RAPGEF5: variants seen among roughly 807,000 people sequenced by gnomAD.
RAPGEF5 encodes Rap guanine nucleotide exchange factor 5, also known as M-Ras-regulated GEF.
A neutral mutation model predicts 125.2 loss-of-function variants in RAPGEF5; 65 were observed. That is an observed-to-expected ratio of 0.52 (90% CI 0.43 to 0.64). RAPGEF5 has a LOEUF of 0.64. Among genes scored for constraint, RAPGEF5 ranks in the 30% least tolerant of loss-of-function variants. The probability of loss-of-function intolerance (pLI) is 0.00; values close to 1 mark genes in which losing one functional copy is unlikely to be tolerated. For missense variants in RAPGEF5, 958 were observed against 1,048.1 expected (o/e 0.91, Z 1.19); for synonymous variants, 391 against 385.9 (o/e 1.01, Z -0.16).
chr7:22,147,337 T>C (rs6461639), intron 18 of RAPGEF5, among the ~76,000 whole-genome samples: 97,833 of 151,994 alleles, frequency 0.64, 31,518 homozygotes, highest in East Asian at 0.75. Flanking sequence ...ATAATGAAAG[T>C]GAAAGCCCCG....
intron 1 of RAPGEF5, among the ~76,000 whole-genome samples, chr7:22,324,635 C>T (rs1212319681): frequency 6.6e-6 from 1 of 152,088 alleles, no homozygotes; most frequent in African/African-American, 2.4e-5. Flanking sequence ...CTTCTTCCTC[C>T]CCACAAATGT....
intron 1 of RAPGEF5, among the ~76,000 whole-genome samples, chr7:22,341,745 T>C (rs968550705): frequency 1.3e-5 from 2 of 152,234 alleles, no homozygotes; most frequent in African/African-American, 4.8e-5. Flanking sequence ...TTTGACTCCA[T>C]GTCTCAAATC....
At chr7:22,229,213 G>A (rs369011679) in intron 8 of RAPGEF5, among the ~76,000 whole-genome samples, 46 of 152,126 alleles carry the variant, frequency 3.0e-4, no homozygotes, top group Non-Finnish European at 6.0e-4. Context: ...AAGCAGAAAA[G>A]GTATTTTTAG....
At chr7:22,208,855 A>G (rs1785450858) in intron 9 of RAPGEF5, among the ~76,000 whole-genome samples, 1 of 152,242 alleles carries the variant, frequency 6.6e-6, no homozygotes, top group Admixed American at 6.5e-5. Context: ...CTAGCCAGAT[A>G]TGGAACGTAA....
intron 9 of RAPGEF5, among the ~76,000 whole-genome samples, chr7:22,219,153 C>T (rs924602259): frequency 1.3e-4 from 20 of 152,094 alleles, no homozygotes; most frequent in Non-Finnish European, 2.6e-4. Context: ...AGAGTGAAGT[C>T]TCATAACCAA....
intron 11 of RAPGEF5, among the ~76,000 whole-genome samples, chr7:22,172,887 A>G (rs545181117): frequency 6.6e-6 from 1 of 152,354 alleles, no homozygotes; most frequent in African/African-American, 2.4e-5. Flanking sequence ...CTCAGCTGTT[A>G]AAGTGAATTA....
chr7:22,184,400 G>A (rs1784767124), intron 11 of RAPGEF5, among the ~76,000 whole-genome samples: 1 of 152,154 alleles, frequency 6.6e-6, no homozygotes, highest in Non-Finnish European at 1.5e-5. Flanking sequence ...TGTAACATTT[G>A]CATAACCTTT....
intron 11 of RAPGEF5, among the ~76,000 whole-genome samples, chr7:22,184,251 A>C (rs1204572468): frequency 6.6e-6 from 1 of 152,256 alleles, no homozygotes; most frequent in Non-Finnish European, 1.5e-5. Context: ...AGAATAAACA[A>C]GGGTGGAGGA....
At chr7:22,332,216 CG>C (rs1282712448) in intron 1 of RAPGEF5, among the ~76,000 whole-genome samples, 1 of 152,122 alleles carries the variant, frequency 6.6e-6, no homozygotes, top group Non-Finnish European at 1.5e-5. Context: ...TAAAGCCTCC[CG>C]GTTGAAGGTT....
At chr7:22,199,345 G>A (rs1016014175) in intron 9 of RAPGEF5, among the ~76,000 whole-genome samples, 1 of 152,046 alleles carries the variant, frequency 6.6e-6, no homozygotes, top group Non-Finnish European at 1.5e-5. Context: ...TTTAGAGGAA[G>A]GCTGTATTTG....
intron 1 of RAPGEF5, among the ~76,000 whole-genome samples, chr7:22,345,149 T>C (rs1202650002): frequency 1.3e-5 from 2 of 152,232 alleles, no homozygotes; most frequent in Non-Finnish European, 2.9e-5. Flanking sequence ...AGTTCCGCTT[T>C]AGCCCCACCC....
At chr7:22,147,067 G>A in intron 18 of RAPGEF5, 48 bp from the exon 19 acceptor site, 1 of 1,598,974 alleles carries the variant, frequency 6.3e-7, no homozygotes. Context: ...CAAATGTTTT[G>A]CACTGCATTG....
At chr7:22,187,403 G>T (rs565014233) in intron 11 of RAPGEF5, among the ~76,000 whole-genome samples, 1 of 152,126 alleles carries the variant, frequency 6.6e-6, no homozygotes, top group East Asian at 1.9e-4. Flanking sequence ...TCTCATTTTA[G>T]TAACCTTTCT....
chr7:22,163,133 G>A (rs572748555), intron 12 of RAPGEF5, among the ~76,000 whole-genome samples: 3 of 2,184 alleles, frequency 1.4e-3, no homozygotes, highest in African/African-American at 4.0e-3. Context: ...AAAATAAAAT[G>A]AAAATTATTT....
chr7:22,203,754 C>T (rs1165386432), intron 9 of RAPGEF5, among the ~76,000 whole-genome samples: 3 of 152,162 alleles, frequency 2.0e-5, no homozygotes, highest in African/African-American at 7.2e-5. Flanking sequence ...ATGCTGTGGA[C>T]CAGGGCTCCT....
At chr7:22,199,563 C>G (rs1340922970) in intron 9 of RAPGEF5, among the ~76,000 whole-genome samples, 2 of 114,658 alleles carry the variant, frequency 1.7e-5, no homozygotes, top group Admixed American at 2.1e-4. Context: ...AAAAAAGGAA[C>G]TGAGCAGAGA....
At chr7:22,139,117 GAAA>G (rs1392982818) in intron 21 of RAPGEF5, among the ~76,000 whole-genome samples, 3 of 152,170 alleles carry the variant, frequency 2.0e-5, no homozygotes, top group Non-Finnish European at 4.4e-5. Flanking sequence ...CCTATTCCGA[GAAA>G]AAGATAGCTG....
chr7:22,335,707 ACAAAACAAC>A (rs1562534814), intron 1 of RAPGEF5, among the ~76,000 whole-genome samples: 3 of 68,224 alleles, frequency 4.4e-5, no homozygotes, highest in Non-Finnish European at 1.0e-4. Flanking sequence ...AAAAAAAACA[ACAAAACAAC>A]AACAACAACA....
rs1023117341 is a variant in RAPGEF5 at position 22,356,932 on chromosome 7, G to A, written c.129C>T (p.Arg43=). The change falls in exon 1 of 26, where the codon CGC becomes CGT. Residue 43 remains arginine, a synonymous_variant. Transcript: ENST00000665637. ...RRSPSAREPE[R]EQPPASLRPR... ...GCCGCAGCGACGCCGGCGGCTGCTC[G>A]CGCTCGGGCTCCCGGGCGCTGGGGC... The A allele has an allele frequency of 3.7e-6, 4 of 1,073,560 alleles. No homozygotes were observed. Among genetic ancestry groups the A allele is most frequent in the Admixed American group, 5.3e-5 (1 of 18,704 alleles). 66.5% of individuals were successfully genotyped at this position (1,073,560 alleles called of 1,614,324 possible).
Sources: allele counts gnomAD v4.1 joint callset (sites outside exome capture counted in the v4.1 genomes callset), GRCh38; gene constraint gnomAD v4.1.1; transcripts MANE v1.5; gene names NCBI Gene and HGNC (gene_info 2026-07-23, HGNC 2026-07-21).